Variants in MDFIC2 observed in about 807,000 individuals in gnomAD.
MDFIC2 encodes the protein myoD family inhibitor domain-containing protein 2.
rs192132391 is a variant in MDFIC2, at chr3:70,262,849, C to T, written c.88+49037G>A. On this transcript the variant is annotated intron_variant, in intron 2 of 3. Transcript: ENST00000567252. Reference sequence around the variant, plus strand: ...ACTATGTTAGATGACCTGATATTGTCCCACAGGTCAATAAGGTTGGGTTTT... The same window carrying T: ...ACTATGTTAGATGACCTGATATTGTTCCACAGGTCAATAAGGTTGGGTTTT... 1.3e-3 allele frequency among the ~76,000 whole-genome samples: 196 copies of T among 152,236 alleles called. 1 individual carries two copies. The highest frequency in any genetic ancestry group is 3.4e-3 in the Admixed American group (52 of 15,292).
At chr3:70,201,201 C>T (rs536576088) in intron 3 of MDFIC2, among the ~76,000 whole-genome samples, 1 of 152,176 alleles carries the variant, frequency 6.6e-6, no homozygotes, top group African/African-American at 2.4e-5. Flanking sequence ...TCCTCTCACC[C>T]TCCACCCTCC....
rs540699384 is a variant in MDFIC2 at position 70,255,027 on chromosome 3, C to T, written c.89-48237G>A. Among the ~76,000 whole-genome samples, 17 of 151,920 alleles carry T rather than the reference C, an allele frequency of 1.1e-4. No individual in the cohort carries two copies. In the South Asian group the frequency reaches 3.1e-3, roughly 28 times the overall value. On this transcript the variant is annotated intron_variant, in intron 2 of 3. Coordinates refer to ENST00000567252, the MANE Select transcript of MDFIC2 (RefSeq NM_001364677.1). ...TGTTCCTTATAATTTTACAACAATA[C>T]TTTTTGAAATGAGTGGAAAATCAGC...
intron 2 of MDFIC2, among the ~76,000 whole-genome samples, chr3:70,240,496 A>C (rs1014289376): frequency 7.9e-5 from 12 of 152,156 alleles, no homozygotes; most frequent in Non-Finnish European, 1.6e-4. Flanking sequence ...ACTAAAAAAT[A>C]TGTGTTTCCT....
intron 2 of MDFIC2, among the ~76,000 whole-genome samples, chr3:70,259,108 A>G (rs937371814): frequency 1.4e-4 from 22 of 152,296 alleles, no homozygotes; most frequent in African/African-American, 5.3e-4. Flanking sequence ...GCTAGCACTC[A>G]GTTTATATTC....
At chr3:70,240,482 C>A (rs1701656840) in intron 2 of MDFIC2, among the ~76,000 whole-genome samples, 1 of 151,726 alleles carries the variant, frequency 6.6e-6, no homozygotes, top group African/African-American at 2.4e-5. Flanking sequence ...GAAGTTGGAC[C>A]CTAACTAAAA....
At chr3:70,294,678 A>G (rs1281956797) in intron 2 of MDFIC2, among the ~76,000 whole-genome samples, 1 of 152,162 alleles carries the variant, frequency 6.6e-6, no homozygotes, top group Non-Finnish European at 1.5e-5. Context: ...TATGACTCAT[A>G]TATCCATTTT....
intron 2 of MDFIC2, among the ~76,000 whole-genome samples, chr3:70,284,446 G>A (rs1394030891): frequency 3.9e-5 from 6 of 152,056 alleles, no homozygotes; most frequent in African/African-American, 1.4e-4. Flanking sequence ...TTTGAAGAAT[G>A]ACAAGAGATT....
At chr3:70,278,001 A>G (rs1393623858) in intron 2 of MDFIC2, among the ~76,000 whole-genome samples, 2 of 152,114 alleles carry the variant, frequency 1.3e-5, no homozygotes, top group Non-Finnish European at 2.9e-5. Flanking sequence ...TTAAGTATAT[A>G]CATTGATCCG....
At chr3:70,293,505 A>G (rs955469799) in intron 2 of MDFIC2, among the ~76,000 whole-genome samples, 14 of 152,044 alleles carry the variant, frequency 9.2e-5, no homozygotes, top group Non-Finnish European at 1.3e-4. Context: ...TACTATTGTG[A>G]TGTTGCCTAT....
chr3:70,257,827 A>AT (rs1701831012), intron 2 of MDFIC2, among the ~76,000 whole-genome samples: 1 of 152,220 alleles, frequency 6.6e-6, no homozygotes, highest in Non-Finnish European at 1.5e-5. Flanking sequence ...AGCCTTAACC[A>AT]TTTTGAAACA....
intron 2 of MDFIC2, among the ~76,000 whole-genome samples, chr3:70,301,530 C>T (rs12330334): frequency 0.013 from 2,017 of 152,118 alleles, 32 homozygotes; most frequent in African/African-American, 0.045. Context: ...ATGTGTCTTG[C>T]AGGAAATGAA....
intron 2 of MDFIC2, among the ~76,000 whole-genome samples, chr3:70,246,107 A>AC (rs1701706176): frequency 6.6e-6 from 1 of 152,072 alleles, no homozygotes; most frequent in South Asian, 2.1e-4. Context: ...ATAAAAAAAA[A>AC]CCCCACAGAT....
In MDFIC2 at chr3:70,294,827, A is replaced by G. The variant is rs139145568; in HGVS notation, c.88+17059T>C. ...GCTTCTCTTATAAGATGGTTTCCCA[A>G]GTTTCAAGCATCACGTAGCAATTTG... On this transcript the variant is annotated intron_variant, in intron 2 of 3. Coordinates refer to ENST00000567252, the MANE Select transcript of MDFIC2 (RefSeq NM_001364677.1). Among the ~76,000 whole-genome samples, 428 of 152,234 alleles carry G rather than the reference A, an allele frequency of 2.8e-3. 3 individuals carry two copies. The highest frequency in any genetic ancestry group is 9.4e-3 in the African/African-American group (391 of 41,540).
At chr3:70,260,341 G>A (rs1389001140) in intron 2 of MDFIC2, among the ~76,000 whole-genome samples, 1 of 152,054 alleles carries the variant, frequency 6.6e-6, no homozygotes, top group Non-Finnish European at 1.5e-5. Context: ...TTGGATTTAG[G>A]GGCCCACTCT....
rs1019892030 is a variant in MDFIC2 at position 70,231,277 on chromosome 3, C to T, written c.89-24487G>A. 6.6e-5 allele frequency among the ~76,000 whole-genome samples: 10 copies of T among 152,256 alleles called. 1 individual carries two copies. In the South Asian group the frequency reaches 1.9e-3, roughly 28 times the overall value. On this transcript the variant is annotated intron_variant, in intron 2 of 3. Transcript: ENST00000567252. ...TCCTTTAACACTGGCGGCACACGTT[C>T]GCTTAAGACGACGCTCCTGCCCCTG... is the stretch of plus-strand genomic sequence containing the variant.
intron 2 of MDFIC2, among the ~76,000 whole-genome samples, chr3:70,275,245 G>A (rs1311147042): frequency 2.6e-5 from 4 of 152,232 alleles, no homozygotes; most frequent in African/African-American, 9.6e-5. Context: ...GACTTGGGCC[G>A]GGTACAGTGG....
Position 70,267,792 on chromosome 3 carries a change from T to A in MDFIC2, c.88+44094A>T, listed in dbSNP as rs988423838. ...GGTCTTCACTGGATGAGAGTTCAGT[T>A]GTTTTTAGGAAACAAGTTTTGTTAG... is the stretch of plus-strand genomic sequence containing the variant. On this transcript the variant is annotated intron_variant, in intron 2 of 3. Coordinates refer to ENST00000567252, the MANE Select transcript of MDFIC2 (RefSeq NM_001364677.1). 1.2e-4 allele frequency among the ~76,000 whole-genome samples: 19 copies of A among 152,228 alleles called. No individual in the cohort carries two copies. In the South Asian group the frequency reaches 3.9e-3, roughly 32 times the overall value.
At chr3:70,212,957 CTTA>C (rs1190841452) in intron 2 of MDFIC2, among the ~76,000 whole-genome samples, 1 of 151,896 alleles carries the variant, frequency 6.6e-6, no homozygotes, top group African/African-American at 2.4e-5. Flanking sequence ...ACACAGCAAG[CTTA>C]TTATAGTATT....
intron 2 of MDFIC2, among the ~76,000 whole-genome samples, chr3:70,273,041 T>C (rs185064896): frequency 1.3e-5 from 2 of 152,226 alleles, no homozygotes; most frequent in African/African-American, 4.8e-5. Context: ...TCCTTCTCAC[T>C]CTCCTGCCTA....
Sources: allele counts gnomAD v4.1 joint callset (sites outside exome capture counted in the v4.1 genomes callset), GRCh38; gene constraint gnomAD v4.1.1; transcripts MANE v1.5; gene names NCBI Gene and HGNC (gene_info 2026-07-23, HGNC 2026-07-21).